MACF1: variants seen among roughly 807,000 people sequenced by gnomAD.
MACF1 encodes microtubule actin crosslinking factor 1.
In MACF1, 193 loss-of-function variants were observed where a neutral mutation model predicts 854.8. The observed-to-expected ratio is 0.23, with a 90% CI of 0.20 to 0.25. The LOEUF (loss-of-function observed/expected upper bound fraction) is 0.25. Among genes scored for constraint, MACF1 ranks in the 10% least tolerant of loss-of-function variants. The pLI is 1.00. For synonymous variants in MACF1, 3,185 were observed against 3,226.7 expected (o/e 0.99, Z 0.44); for missense variants, 7,722 against 8,929.1 (o/e 0.86, Z 5.45).
chr1:39,287,363 C>T lies in MACF1; in HGVS notation c.1586C>T (p.Ser529Leu). 1.2e-6 allele frequency: 2 copies of T among 1,614,144 alleles called. No individual in the cohort carries two copies. Among genetic ancestry groups the T allele is most frequent in the Non-Finnish European group, 1.7e-6 (2 of 1,180,012 alleles). Residue 529 changes from serine to leucine, a missense_variant, in exon 15 of 101, where the codon TCA (serine) becomes TTA (leucine). Coordinates refer to ENST00000564288, the MANE Select transcript of MACF1 (RefSeq NM_001394062.1). ...TNLYRKGHFT[S>L]LELVPPSTLT... ...CTGTACCGGAAGGGTCATTTCACTT[C>T]ACTTGAATTGGTTCCACCCTCTACT... is the stretch of plus-strand genomic sequence containing the variant.
In MACF1 at chr1:39,447,736, G is replaced by A. The variant is rs760178289; in HGVS notation, c.19806G>A (p.Glu6602=). 1.9e-6 allele frequency: 3 copies of A among 1,614,108 alleles called. No individual in the cohort carries two copies. Among genetic ancestry groups the A allele is most frequent in the Non-Finnish European group, 1.7e-6 (2 of 1,180,020 alleles). Residue 6602 remains glutamate (E), a synonymous_variant, in exon 82 of 101, where the codon GAG becomes GAA. Transcript: ENST00000564288. ...ATGCTCATCGAGACCAGATCATTGA[G>A]CTGGATCAAACTGGGAATCAATTAA... ...EVNAHRDQII[E]LDQTGNQLKF...
At chr1:39,174,831 C>G (rs1181682807) in intron 2 of MACF1, among the ~76,000 whole-genome samples, 2 of 152,096 alleles carry the variant, frequency 1.3e-5, no homozygotes, top group African/African-American at 4.8e-5. Context: ...AAGGGGAAAC[C>G]CTCAGGGCTG....
At position 39,350,919 on chromosome 1, in the gene MACF1, G is replaced by A. The variant is rs1647164272; in HGVS notation, c.11100G>A (p.Gln3700=). Reference sequence around the variant, plus strand: ...CAGCTCTTCGGGAAAAGCTTCATCAGGCTAAGGAGCAATATGAGGCGCTCC... The same window carrying A: ...CAGCTCTTCGGGAAAAGCTTCATCAAGCTAAGGAGCAATATGAGGCGCTCC... ...ELTALREKLH[Q]AKEQYEALQE... The change falls in exon 43 of 101, where the codon CAG becomes CAA. Residue 3700 remains glutamine, a synonymous_variant. Coordinates refer to ENST00000564288, the MANE Select transcript of MACF1 (RefSeq NM_001394062.1). 1.2e-6 allele frequency: 2 copies of A among 1,614,118 alleles called. No individual in the cohort carries two copies. Among genetic ancestry groups the A allele is most frequent in the African/African-American group, 1.3e-5 (1 of 75,050 alleles).
rs371007277 is a variant in MACF1 at position 39,171,131 on chromosome 1, T to C, written c.221-60051T>C. Among the ~76,000 whole-genome samples the C allele has an allele frequency of 1.1e-4, 16 of 152,244 alleles. No individual in the cohort carries two copies. The East Asian group carries it at 2.7e-3, about 26-fold the overall frequency. ...ACAGCAATGAAGTCCCATTTGAATT[T>C]AACAGACGTTGGGACTTGTCTGCGT... On this transcript the variant is annotated intron_variant, in intron 2 of 93. Transcript: ENST00000361689.
At chr1:39,440,101 C>CTTTTCTTTTA (rs1438224354) in intron 72 of MACF1, among the ~76,000 whole-genome samples, 5 of 82,664 alleles carry the variant, frequency 6.0e-5, no homozygotes, top group African/African-American at 2.5e-4. Flanking sequence ...CTTTTCTTTT[C>CTTTTCTTTTA]TTTTCTTTTC....
intron 2 of MACF1, 75 bp downstream of exon 2, chr1:39,231,318 G>C (rs1483989951): frequency 7.5e-7 from 1 of 1,333,236 alleles, no homozygotes; most frequent in Non-Finnish European, 1.1e-6. Context: ...CCTTCTTTCA[G>C]ATGGTTTAGA....
Position 39,293,498 on chromosome 1 carries a change from A to G in MACF1, c.2033A>G (p.His678Arg). 1 of 1,614,062 alleles carries G rather than the reference A, an allele frequency of 6.2e-7. No individual in the cohort carries two copies. The highest frequency in any genetic ancestry group is 8.5e-7 in the Non-Finnish European group (1 of 1,179,930). The change falls in exon 18 of 101, where the codon CAT (histidine) becomes CGT (arginine). Residue 678 changes from histidine to arginine, a missense_variant. Coordinates refer to ENST00000564288, the MANE Select transcript of MACF1 (RefSeq NM_001394062.1). ...CGGATGAGGCACCTTCAGAGCCTGC[A>G]TAAATTTGTTTCCAGAGCTACAGCT... ...SFRMRHLQSL[H>R]KFVSRATAEL...
chr1:39,322,819 T>TG, intron 32 of MACF1, 91 bp from the exon 33 acceptor site: 1 of 1,483,158 alleles, frequency 6.7e-7, no homozygotes, highest in Non-Finnish European at 9.4e-7. Flanking sequence ...CTGGTGAACA[T>TG]GTGACTGCAT....
rs911249720 is a variant in MACF1, at chr1:39,251,908, C to T, written c.324C>T (p.Asn108=). The change falls in exon 4 of 101, where the codon AAC becomes AAT. Residue 108 remains asparagine, a synonymous_variant. Transcript: ENST00000564288. ...TGCCCTCCTGGTGCCATACAAACAA[C>T]GAGGAGCAGGCGGAGGAAGATGATG... ...VSMPSWCHTN[N]EEQAEEDDDD... is the part of the protein sequence containing the mutation. 5.9e-6 allele frequency: 9 copies of T among 1,518,794 alleles called. No homozygotes were observed. The highest frequency in any genetic ancestry group is 7.9e-6 in the Non-Finnish European group (9 of 1,138,878). The allele number at this position is 1,518,794 out of a possible 1,614,324, so 94.1% of individuals were successfully genotyped here.
At chr1:39,346,811 A>G (rs929867184) in intron 40 of MACF1, among the ~76,000 whole-genome samples, 166 bp from the exon 41 acceptor site, 4 of 152,112 alleles carry the variant, frequency 2.6e-5, no homozygotes, top group African/African-American at 9.7e-5. Context: ...GAGCCACCGC[A>G]CCTGGCCAAG....
rs780120772 is a variant in MACF1, at chr1:39,453,756, T to C, written c.20792T>C (p.Val6931Ala). The change falls in exon 88 of 101, where the codon GTA becomes GCA. Residue 6931 changes from valine to alanine, a missense_variant. Physicochemically the swap from Val to Ala is moderately conservative, Grantham distance 64. This residue lies in a region of MACF1 where 729 missense variants were observed against 900.5 expected (regional missense o/e 0.81). Transcript: ENST00000564288. ...AAGCGAGTGGACGTTAACTCAGCAG[T>C]AGCCATGGGAGAAGTCATCCTGGCT... ...EEKRVDVNSAVAMGEVILAVC... is the reference protein window; with the variant it reads ...EEKRVDVNSAAAMGEVILAVC... The C allele has an allele frequency of 1.4e-5, 23 of 1,613,940 alleles. No individual in the cohort carries two copies. The highest frequency in any genetic ancestry group is 1.9e-5 in the Non-Finnish European group (23 of 1,179,900).
chr1:39,198,424 G>A (rs1013678878), intron 2 of MACF1, among the ~76,000 whole-genome samples: 2 of 151,676 alleles, frequency 1.3e-5, no homozygotes, highest in African/African-American at 2.4e-5. Flanking sequence ...AGGCTGAGGC[G>A]GGTGGATCAT....
rs1421155515 is a variant in MACF1, at chr1:39,428,209, G to A, written c.16725G>A (p.Glu5575=). The A allele has an allele frequency of 6.2e-7, 1 of 1,614,034 alleles. No homozygotes were observed. Among genetic ancestry groups the A allele is most frequent in the African/African-American group, 1.3e-5 (1 of 74,950 alleles). Residue 5575 remains glutamate, a synonymous_variant, in exon 63 of 101, where the codon GAG becomes GAA. Transcript: ENST00000564288. Reference sequence around the variant, plus strand: ...TGGAGGTGCTCAACTGGCTGGCTGAGGTTGAGGACAAGCTCAGTTCAGTGT... The same window carrying A: ...TGGAGGTGCTCAACTGGCTGGCTGAAGTTGAGGACAAGCTCAGTTCAGTGT... ...DEVEVLNWLA[E]VEDKLSSVFV... is the part of the protein sequence containing the mutation.
chr1:39,403,905 G>T (rs1233576237), intron 58 of MACF1, among the ~76,000 whole-genome samples: 2 of 152,086 alleles, frequency 1.3e-5, no homozygotes, highest in Admixed American at 1.3e-4. Context: ...GAGGCGGGCA[G>T]ATCACCTGAG....
chr1:39,477,959 CTTTT>C (rs1272562353), intron 97 of MACF1, among the ~76,000 whole-genome samples: 1 of 126,030 alleles, frequency 7.9e-6, no homozygotes. Context: ...CCTCTTATAT[CTTTT>C]TTTTTTTTTT....
chr1:39,342,940 A>T (rs973087662), intron 40 of MACF1, among the ~76,000 whole-genome samples: 1 of 152,224 alleles, frequency 6.6e-6, no homozygotes, highest in East Asian at 1.9e-4. Flanking sequence ...GTACATAAAC[A>T]AATGGCTATG....
chr1:39,157,277 A>G (rs534418939), intron 2 of MACF1, among the ~76,000 whole-genome samples: 2 of 152,026 alleles, frequency 1.3e-5, no homozygotes, highest in Non-Finnish European at 2.9e-5. Flanking sequence ...GCCCCTTTCC[A>G]TTATCTTAGC....
At chr1:39,169,604 C>CAAA (rs61000226) in intron 2 of MACF1, among the ~76,000 whole-genome samples, 4 of 93,590 alleles carry the variant, frequency 4.3e-5, no homozygotes, top group African/African-American at 1.6e-4. Context: ...GACCCTGTCT[C>CAAA]AAAAAAAAAA....
intron 1 of MACF1, among the ~76,000 whole-genome samples, chr1:39,217,560 C>T (rs1353288253): frequency 6.6e-6 from 1 of 152,106 alleles, no homozygotes; most frequent in East Asian, 1.9e-4. Flanking sequence ...ATTCAAACCT[C>T]ATTGCTTAAA....
Sources: gnomAD v4.1 joint callset for allele counts (sites outside exome capture counted in the v4.1 genomes callset) on GRCh38, gnomAD v4.1.1 for gene constraint, gnomAD v4.1.1 regional missense constraint, MANE v1.5 for transcripts, NCBI Gene and HGNC (gene_info 2026-07-23, HGNC 2026-07-21) for gene names.